UBE2R2: variants seen among roughly 807,000 people sequenced by gnomAD.
UBE2R2 encodes ubiquitin conjugating enzyme E2 R2.
In UBE2R2, 1 loss-of-function variant was observed where a neutral mutation model predicts 27.8. The observed-to-expected ratio is 0.04, with a 90% CI of 0.01 to 0.17. UBE2R2 has a LOEUF of 0.17. UBE2R2 is among the 10% of genes least tolerant of loss of function. The pLI, the probability that UBE2R2 is intolerant of heterozygous loss-of-function variation, is 1.00. For missense variants in UBE2R2, 100 were observed against 291.0 expected (o/e 0.34, Z 4.78); for synonymous variants, 106 against 113.3 (o/e 0.94, Z 0.41).
intron 4 of UBE2R2, among the ~76,000 whole-genome samples, chr9:33,916,802 G>GT (rs1262313574): frequency 7.2e-5 from 11 of 152,108 alleles, no homozygotes; most frequent in African/African-American, 2.7e-4. Flanking sequence ...TATTAACAGT[G>GT]TATTTCCCCT....
intron 1 of UBE2R2, among the ~76,000 whole-genome samples, chr9:33,879,274 GTCGC>G (rs1453259715): frequency 3.9e-5 from 6 of 152,082 alleles, no homozygotes; most frequent in African/African-American, 1.4e-4. Flanking sequence ...TTAAGTAAGG[GTCGC>G]TTAAGATAAC....
intron 1 of UBE2R2, among the ~76,000 whole-genome samples, chr9:33,819,888 C>G (rs185865126): frequency 6.6e-6 from 1 of 152,240 alleles, no homozygotes; most frequent in Non-Finnish European, 1.5e-5. Flanking sequence ...CAACCCGCCT[C>G]TGCCTCCCAA....
intron 2 of UBE2R2, among the ~76,000 whole-genome samples, chr9:33,887,791 T>G (rs779062768): frequency 1.3e-5 from 2 of 152,110 alleles, no homozygotes; most frequent in South Asian, 4.1e-4. Context: ...GTTCTCCTGC[T>G]TCAGCCTTCC....
intron 1 of UBE2R2, among the ~76,000 whole-genome samples, chr9:33,874,276 A>C (rs1192145161): frequency 6.6e-6 from 1 of 152,082 alleles, no homozygotes; most frequent in Non-Finnish European, 1.5e-5. Flanking sequence ...TTTCAAACTT[A>C]ATTGAGTGTA....
chr9:33,883,683 C>G lies in UBE2R2; in HGVS notation c.178-3198C>G, dbSNP rs139861113. Among the ~76,000 whole-genome samples, 1,010 of 146,860 alleles carry G rather than the reference C, an allele frequency of 6.9e-3. 8 individuals carry two copies. The highest frequency in any genetic ancestry group is 0.032 in the Middle Eastern group (9 of 284). On this transcript the variant is annotated intron_variant, in intron 1 of 4. Coordinates refer to ENST00000263228, the MANE Select transcript of UBE2R2 (RefSeq NM_017811.4). ...TGAGCCGAGATTGCACCACTGCCCT[C>G]CAGCCTGGTGACAGAGCAAGACTCT... is the stretch of plus-strand genomic sequence containing the variant.
chr9:33,877,823 G>GTCTGTCTCTCTCTCTCTCTCTCTCTC, intron 1 of UBE2R2, among the ~76,000 whole-genome samples: 2,129 of 130,714 alleles, frequency 0.016, 32 homozygotes, highest in South Asian at 0.031. Flanking sequence ...CTGTCTGTCT[G>GTCTGTCTCTCTCTCTCTCTCTCTCTC]TCTCTCTCTC....
At chr9:33,836,916 A>G (rs2130734181) in intron 1 of UBE2R2, among the ~76,000 whole-genome samples, 1 of 152,216 alleles carries the variant, frequency 6.6e-6, no homozygotes, top group South Asian at 2.1e-4. Flanking sequence ...ACATTACTGT[A>G]TTGGGTTCTT....
intron 1 of UBE2R2, among the ~76,000 whole-genome samples, chr9:33,842,271 C>T (rs1820747946): frequency 6.6e-6 from 1 of 151,988 alleles, no homozygotes; most frequent in Non-Finnish European, 1.5e-5. Flanking sequence ...CATGGTGGTG[C>T]ACACCTGTAG....
At chr9:33,891,965 C>T (rs763726670) in intron 2 of UBE2R2, among the ~76,000 whole-genome samples, 21 of 151,804 alleles carry the variant, frequency 1.4e-4, no homozygotes, top group Non-Finnish European at 1.9e-4. Flanking sequence ...CCTAGAAGGT[C>T]GAGGCTGCAG....
At chr9:33,837,366 A>T (rs1820636423) in intron 1 of UBE2R2, among the ~76,000 whole-genome samples, 1 of 149,370 alleles carries the variant, frequency 6.7e-6, no homozygotes, top group Non-Finnish European at 1.5e-5. Flanking sequence ...CTGTGATTAC[A>T]GGTATGAGCC....
intron 4 of UBE2R2, 108 bp from the exon 5 acceptor site, chr9:33,916,910 A>G (rs1822659075): frequency 6.8e-7 from 1 of 1,475,654 alleles, no homozygotes; most frequent in African/African-American, 1.4e-5. Context: ...GCAGGTACTG[A>G]AGTTTGGAGA....
At chr9:33,900,927 GTCTC>G (rs140918268) in intron 3 of UBE2R2, among the ~76,000 whole-genome samples, 2 of 149,860 alleles carry the variant, frequency 1.3e-5, no homozygotes, top group African/African-American at 4.9e-5. Flanking sequence ...CTCTGTCTCT[GTCTC>G]TCTCTCTCTC....
rs1203729372 is a variant in UBE2R2 at position 33,918,139 on chromosome 9, T to C, written c.*902T>C. The C allele has an allele frequency of 2.0e-5, 3 of 153,020 alleles. No homozygotes were observed. Among genetic ancestry groups the C allele is most frequent in the African/African-American group, 7.2e-5 (3 of 41,432 alleles). 9.5% of individuals were successfully genotyped at this position (153,020 alleles called of 1,614,324 possible). A position where few individuals can be genotyped will look rare whatever the true frequency, so the allele number is the denominator to read the frequency against. On this transcript the variant is annotated 3_prime_UTR_variant, in exon 5 of 5. Transcript: ENST00000263228. The stretch of plus-strand genomic sequence containing the variant: ...GGTTGATGCTACTGGGGGGAAAAAG[T>C]TGAAACTACTGGTGACCACTGTTGG...
At chr9:33,865,798 A>G (rs549075815) in intron 1 of UBE2R2, among the ~76,000 whole-genome samples, 169 of 148,032 alleles carry the variant, frequency 1.1e-3, no homozygotes, top group Non-Finnish European at 1.9e-3. Flanking sequence ...ATTCCTCTTC[A>G]TCCCTCCACA....
chr9:33,822,426 CTTT>C (rs11309053), intron 1 of UBE2R2, among the ~76,000 whole-genome samples: 8 of 133,728 alleles, frequency 6.0e-5, no homozygotes, highest in Admixed American at 7.6e-5. Context: ...TCTTCAAAAC[CTTT>C]TTTTTTTTTT....
In UBE2R2 at chr9:33,849,402, A is replaced by G. The variant is rs1222387403; in HGVS notation, c.177+31468A>G. On this transcript the variant is annotated intron_variant, in intron 1 of 4. Transcript: ENST00000263228. ...ATATGTATACCGAATATTTAAAGAA[A>G]TATCTGTTATATATAGGTATATATA... Among the ~76,000 whole-genome samples, 4 of 152,198 alleles carry G rather than the reference A, an allele frequency of 2.6e-5. 1 individual carries two copies. Among genetic ancestry groups the G allele is most frequent in the Non-Finnish European group, 1.5e-5 (1 of 68,038 alleles).
chr9:33,875,321 G>C (rs1437124843), intron 1 of UBE2R2, among the ~76,000 whole-genome samples: 1 of 152,114 alleles, frequency 6.6e-6, no homozygotes, highest in Non-Finnish European at 1.5e-5. Context: ...GATCTATAAT[G>C]GGTAAGAGCA....
intron 1 of UBE2R2, among the ~76,000 whole-genome samples, chr9:33,862,265 A>G (rs892888250): frequency 1.2e-4 from 19 of 152,220 alleles, no homozygotes; most frequent in African/African-American, 3.6e-4. Context: ...TGCCTTTGCC[A>G]TCATTATAAC....
At chr9:33,906,638 A>ATGG (rs1247393320) in intron 3 of UBE2R2, among the ~76,000 whole-genome samples, 1 of 152,168 alleles carries the variant, frequency 6.6e-6, no homozygotes, top group Non-Finnish European at 1.5e-5. Flanking sequence ...AGTTATGCTT[A>ATGG]TGGTGACATA....
Sources: gnomAD v4.1 joint callset for allele counts (sites outside exome capture counted in the v4.1 genomes callset) on GRCh38, gnomAD v4.1.1 for gene constraint, MANE v1.5 for transcripts, NCBI Gene and HGNC (gene_info 2026-07-23, HGNC 2026-07-21) for gene names.